STPG2: variants seen among roughly 807,000 people sequenced by gnomAD.
STPG2 encodes the protein sperm-tail PG-rich repeat-containing protein 2.
Under a neutral mutation model 54.2 loss-of-function variants are expected in STPG2, and 56 were observed. The observed-to-expected ratio is 1.03, with a 90% CI of 0.83 to 1.29. STPG2 has a LOEUF of 1.29. Ranked by LOEUF, STPG2 falls within the 50% of genes most tolerant of loss-of-function variation. STPG2 has a pLI of 0.00. For synonymous variants in STPG2, 200 were observed against 181.8 expected (o/e 1.10, Z -0.81); for missense variants, 596 against 544.9 (o/e 1.09, Z -0.93).
At chr4:98,119,795 T>C (rs1005852847) in intron 3 of STPG2, among the ~76,000 whole-genome samples, 4 of 152,120 alleles carry the variant, frequency 2.6e-5, no homozygotes, top group Admixed American at 2.6e-4. Context: ...TGTGCCCATG[T>C]GCTCTCATCA....
At chr4:97,585,101 C>CAAAAAAAAAAAA (rs60854805) in intron 10 of STPG2, among the ~76,000 whole-genome samples, 4 of 46,254 alleles carry the variant, frequency 8.6e-5, no homozygotes, top group East Asian at 7.8e-4. Flanking sequence ...AAAATATTCT[C>CAAAAAAAAAAAA]AAAAAAAAAA....
chr4:97,985,407 C>T (rs1734800323), intron 5 of STPG2, among the ~76,000 whole-genome samples: 9 of 151,976 alleles, frequency 5.9e-5, no homozygotes, highest in Non-Finnish European at 1.5e-5. Context: ...AGGGCCATTG[C>T]CATAAAGGAA....
intron 8 of STPG2, among the ~76,000 whole-genome samples, chr4:97,935,422 G>A (rs1344658984): frequency 6.6e-6 from 1 of 152,080 alleles, no homozygotes; most frequent in African/African-American, 2.4e-5. Context: ...TCTTCTGCTA[G>A]CTTTTGGATT....
intron 9 of STPG2, among the ~76,000 whole-genome samples, chr4:97,717,113 A>G (rs1411199125): frequency 2.0e-5 from 3 of 152,146 alleles, no homozygotes; most frequent in Non-Finnish European, 4.4e-5. Context: ...CTCTAAGACT[A>G]GATTTGATTA....
intron 10 of STPG2, among the ~76,000 whole-genome samples, chr4:97,689,970 T>G (rs1237760481): frequency 2.6e-5 from 4 of 152,108 alleles, no homozygotes; most frequent in Non-Finnish European, 5.9e-5. Flanking sequence ...TGTATTATAA[T>G]TGGAAATAAT....
At chr4:97,703,487 A>G (rs957601400) in intron 10 of STPG2, among the ~76,000 whole-genome samples, 4 of 141,890 alleles carry the variant, frequency 2.8e-5, no homozygotes, top group Non-Finnish European at 6.0e-5. Context: ...TATAGTATAT[A>G]TATAGTATAT....
At chr4:98,046,475 C>T (rs1737132079) in intron 5 of STPG2, among the ~76,000 whole-genome samples, 1 of 152,138 alleles carries the variant, frequency 6.6e-6, no homozygotes, top group African/African-American at 2.4e-5. Context: ...GGAGATGAAC[C>T]TAACCAATCA....
chr4:98,009,930 A>G (rs1374962453), intron 5 of STPG2, among the ~76,000 whole-genome samples: 1 of 151,666 alleles, frequency 6.6e-6, no homozygotes, highest in Non-Finnish European at 1.5e-5. Context: ...GATTCTTTGG[A>G]TTTCTGTGGT....
intron 9 of STPG2, among the ~76,000 whole-genome samples, chr4:97,807,605 A>G (rs563548865): frequency 2.2e-4 from 34 of 152,174 alleles, no homozygotes; most frequent in African/African-American, 6.3e-4. Context: ...GTTCAATAAA[A>G]TACCAAAATG....
At chr4:97,804,440 T>C (rs1173920206) in intron 9 of STPG2, among the ~76,000 whole-genome samples, 3 of 152,036 alleles carry the variant, frequency 2.0e-5, no homozygotes, top group Non-Finnish European at 4.4e-5. Context: ...AACAAAAAGT[T>C]GAAACTTTTT....
At chr4:97,901,295 A>C (rs1376551247) in intron 8 of STPG2, among the ~76,000 whole-genome samples, 4 of 151,972 alleles carry the variant, frequency 2.6e-5, no homozygotes, top group Non-Finnish European at 5.9e-5. Context: ...AAAGATGCCC[A>C]CTTTGCCACT....
At chr4:98,038,048 A>T (rs1736827999) in intron 5 of STPG2, among the ~76,000 whole-genome samples, 1 of 151,882 alleles carries the variant, frequency 6.6e-6, no homozygotes, top group African/African-American at 2.4e-5. Context: ...TATTTTTTTA[A>T]TTTTTCTTTT....
Position 97,445,842 on chromosome 4 carries a change from T to G in STPG2, c.463-258009A>C, listed in dbSNP as rs577910719. Among the ~76,000 whole-genome samples the G allele has an allele frequency of 3.3e-5, 5 of 152,306 alleles. No homozygotes were observed. The South Asian group carries it at 1.0e-3, about 32-fold the overall frequency. ...GAATCTAGTTCCCTAGGAATTAATA[T>G]AATCTCAGTAGTTTCCTCCTGAAAT... On this transcript the variant is annotated intron_variant, in intron 4 of 4. Transcript: ENST00000522676.
intron 4 of STPG2, among the ~76,000 whole-genome samples, chr4:97,453,149 T>A (rs1435440234): frequency 6.6e-6 from 1 of 152,182 alleles, no homozygotes; most frequent in East Asian, 1.9e-4. Flanking sequence ...ACTCCCTCTT[T>A]GGGGTCCTGC....
At chr4:97,686,196 T>TCAAGATGTATGTCTTC (rs1257412492) in intron 10 of STPG2, among the ~76,000 whole-genome samples, 1 of 152,202 alleles carries the variant, frequency 6.6e-6, no homozygotes, top group Non-Finnish European at 1.5e-5. Context: ...TCTTCTCCTT[T>TCAAGATGTATGTCTTC]CAAGATGTAT....
intron 10 of STPG2, among the ~76,000 whole-genome samples, chr4:97,648,278 TC>T (rs1721969871): frequency 6.6e-6 from 1 of 152,122 alleles, no homozygotes; most frequent in African/African-American, 2.4e-5. Context: ...TACTCTCCCA[TC>T]CCTCAGTCGT....
chr4:97,931,853 T>C (rs934002825), intron 8 of STPG2, among the ~76,000 whole-genome samples: 1 of 152,146 alleles, frequency 6.6e-6, no homozygotes, highest in Non-Finnish European at 1.5e-5. Context: ...AGAATTCAGC[T>C]ATGAATCCAT....
rs943114640 is a variant in STPG2 at position 97,907,993 on chromosome 4, G to C, written c.1044+35904C>G. 1.1e-4 allele frequency among the ~76,000 whole-genome samples: 16 copies of C among 152,244 alleles called. 1 individual carries two copies. The highest frequency in any genetic ancestry group is 3.9e-4 in the African/African-American group (16 of 41,550). ...CATGTCTAAAACACCAAAAGCAATG[G>C]CAACAAAAGCCAAAATTGACAAATG... On this transcript the variant is annotated intron_variant, in intron 8 of 10. Coordinates refer to ENST00000295268, the MANE Select transcript of STPG2 (RefSeq NM_174952.3).
chr4:97,869,571 G>A (rs1729908487), intron 8 of STPG2, among the ~76,000 whole-genome samples: 1 of 151,596 alleles, frequency 6.6e-6, no homozygotes, highest in South Asian at 2.1e-4. Context: ...CCCTTGATTA[G>A]CAGGGTTCAG....
Sources: allele counts gnomAD v4.1 joint callset (sites outside exome capture counted in the v4.1 genomes callset), GRCh38; gene constraint gnomAD v4.1.1; transcripts MANE v1.5; gene names NCBI Gene and HGNC (gene_info 2026-07-23, HGNC 2026-07-21).